The following MTMR7 variants were observed in gnomAD, a reference collection of about 807,000 sequenced individuals.
MTMR7 encodes myotubularin related protein 7.
A neutral mutation model predicts 81.2 loss-of-function variants in MTMR7; 76 were observed. The ratio of observed to expected loss-of-function variants is 0.94; its 90% CI spans 0.78 to 1.13. MTMR7 has a LOEUF of 1.13. Ranked by LOEUF, MTMR7 falls within the 50% of genes most tolerant of loss-of-function variation. The pLI is 0.00. For synonymous variants in MTMR7, 372 were observed against 289.8 expected (o/e 1.28, Z -2.88); for missense variants, 1,044 against 820.0 (o/e 1.27, Z -3.34).
intron 4 of MTMR7, among the ~76,000 whole-genome samples, chr8:17,351,884 C>T (rs1819740398): frequency 6.6e-6 from 1 of 152,194 alleles, no homozygotes; most frequent in Non-Finnish European, 1.5e-5. Flanking sequence ...AAGTAGACAG[C>T]ACTCTCAAGT....
intron 6 of MTMR7, 82 bp from the exon 7 acceptor site, chr8:17,331,364 C>G: frequency 7.3e-7 from 1 of 1,378,294 alleles, no homozygotes; most frequent in South Asian, 1.5e-5. Flanking sequence ...TCATGGATAC[C>G]CAATCAAAGC....
chr8:17,406,844 T>C (rs1313178454), intron 1 of MTMR7, among the ~76,000 whole-genome samples: 1 of 151,904 alleles, frequency 6.6e-6, no homozygotes, highest in Admixed American at 6.6e-5. Flanking sequence ...AAACATTAAG[T>C]GAAAAGAAGA....
chr8:17,392,142 G>T (rs1402711538), intron 1 of MTMR7, among the ~76,000 whole-genome samples: 1 of 152,092 alleles, frequency 6.6e-6, no homozygotes, highest in Non-Finnish European at 1.5e-5. Context: ...TTCACAGCTT[G>T]TCCTGTTCAG....
At chr8:17,374,430 G>C (rs1300990191) in intron 1 of MTMR7, among the ~76,000 whole-genome samples, 2 of 151,904 alleles carry the variant, frequency 1.3e-5, no homozygotes, top group African/African-American at 4.8e-5. Flanking sequence ...AGACCATCCT[G>C]GCCAACATGG....
intron 1 of MTMR7, among the ~76,000 whole-genome samples, chr8:17,374,166 T>C (rs939588911): frequency 3.9e-5 from 6 of 152,186 alleles, no homozygotes; most frequent in African/African-American, 1.4e-4. Context: ...AACTAACGCA[T>C]TGTATTCGCT....
chr8:17,408,894 T>C (rs1037203386), intron 1 of MTMR7, among the ~76,000 whole-genome samples: 3 of 152,184 alleles, frequency 2.0e-5, no homozygotes, highest in Admixed American at 6.5e-5. Flanking sequence ...AACCAGATGG[T>C]GGTGATGTCT....
chr8:17,348,069 A>AATAGG (rs1254990669), intron 5 of MTMR7, among the ~76,000 whole-genome samples: 2 of 152,178 alleles, frequency 1.3e-5, no homozygotes, highest in Admixed American at 1.3e-4. Flanking sequence ...GCACCCTGGT[A>AATAGG]ATTTTACGCA....
In MTMR7 at chr8:17,300,059, G is replaced by C. The variant is rs747210051; in HGVS notation, c.1786C>G (p.Gln596Glu). The C allele has an allele frequency of 8.7e-6, 14 of 1,614,016 alleles. No homozygotes were observed. The highest frequency in any genetic ancestry group is 1.2e-5 in the Non-Finnish European group (14 of 1,180,020). Residue 596 changes from glutamine (Q) to glutamate (E), a missense_variant, in exon 14 of 14, where the codon CAA becomes GAA. Coordinates refer to ENST00000180173, the MANE Select transcript of MTMR7 (RefSeq NM_004686.5). ...MKSFPSRSPS[Q>E]GDEDSALILT... The stretch of plus-strand genomic sequence containing the variant: ...ATCAGAGCAGAATCTTCATCGCCTT[G>C]TGAAGGGCTCCGGGATGGAAATGAT...
intron 3 of MTMR7, among the ~76,000 whole-genome samples, chr8:17,365,455 T>G (rs1226952498): frequency 6.6e-6 from 1 of 152,210 alleles, no homozygotes; most frequent in African/African-American, 2.4e-5. Flanking sequence ...AGGAAGGTCA[T>G]ATCCCTCACC....
chr8:17,402,961 T>C (rs1488109970), intron 1 of MTMR7, among the ~76,000 whole-genome samples: 1 of 152,222 alleles, frequency 6.6e-6, no homozygotes, highest in Non-Finnish European at 1.5e-5. Flanking sequence ...ATACAGTATC[T>C]CACTGTACTT....
intron 2 of MTMR7, 116 bp from the exon 3 acceptor site, chr8:17,371,315 A>G: frequency 8.5e-7 from 1 of 1,175,248 alleles, no homozygotes. Flanking sequence ...ACCTCCAGCT[A>G]GCTCAACCCT....
At chr8:17,334,776 AACG>A (rs1423172611) in intron 6 of MTMR7, among the ~76,000 whole-genome samples, 2 of 152,226 alleles carry the variant, frequency 1.3e-5, no homozygotes, top group Admixed American at 6.5e-5. Flanking sequence ...AGAGCTGAGC[AACG>A]GGAGAGACAG....
chr8:17,338,640 G>A (rs1450386438), intron 6 of MTMR7: 1 of 152,160 alleles, frequency 6.6e-6, no homozygotes, highest in Non-Finnish European at 1.5e-5. Flanking sequence ...AACACAATGA[G>A]CCAGAGAGAA....
In MTMR7 at chr8:17,413,271, T is replaced by A; in HGVS notation, c.22A>T (p.Lys8Ter). ...CCGCCCGCGCTGGTGTCACCAACCT[T>A]GGGCGTACGGATGTGCTCCATGGCT... MEHIRTP[K>*]VENVRLVDRV... Residue 8 changes from lysine to a stop codon, truncating the protein, a stop_gained and splice_region_variant, in exon 1 of 14, where the codon AAG becomes TAG. Coordinates refer to ENST00000180173, the MANE Select transcript of MTMR7 (RefSeq NM_004686.5). LOFTEE classifies it high-confidence loss of function. 1 of 1,548,254 alleles carries A rather than the reference T, an allele frequency of 6.5e-7. No individual in the cohort carries two copies. The highest frequency in any genetic ancestry group is 8.7e-7 in the Non-Finnish European group (1 of 1,145,132).
chr8:17,317,573 C>T (rs1445373290), intron 7 of MTMR7, among the ~76,000 whole-genome samples: 1 of 152,182 alleles, frequency 6.6e-6, no homozygotes, highest in East Asian at 1.9e-4. Flanking sequence ...GTTGACTTTC[C>T]AGAAAGTGTA....
At chr8:17,311,771 AG>A in intron 8 of MTMR7, 135 bp from the exon 9 acceptor site, 1 of 1,387,850 alleles carries the variant, frequency 7.2e-7, no homozygotes, top group Non-Finnish European at 9.8e-7. Context: ...TCGTCTGTTT[AG>A]GGCCCCCCCT....
At chr8:17,387,660 T>C (rs1820986935) in intron 1 of MTMR7, among the ~76,000 whole-genome samples, 1 of 152,214 alleles carries the variant, frequency 6.6e-6, no homozygotes, top group African/African-American at 2.4e-5. Flanking sequence ...GGGAGGTACT[T>C]GGGGTACTTG....
At chr8:17,372,341 A>G (rs1373607204) in intron 2 of MTMR7, among the ~76,000 whole-genome samples, 1 of 152,102 alleles carries the variant, frequency 6.6e-6, no homozygotes, top group East Asian at 1.9e-4. Context: ...AGTACTTTGG[A>G]AGGCCAAGGT....
intron 1 of MTMR7, among the ~76,000 whole-genome samples, chr8:17,390,089 GA>G (rs2150577179): frequency 6.9e-6 from 1 of 143,922 alleles, no homozygotes; most frequent in East Asian, 2.1e-4. Context: ...AAAAAAAAAA[GA>G]AATCCCTCAT....
Sources: gnomAD v4.1 joint callset for allele counts (sites outside exome capture counted in the v4.1 genomes callset) on GRCh38, gnomAD v4.1.1 for gene constraint, MANE v1.5 for transcripts, NCBI Gene and HGNC (gene_info 2026-07-23, HGNC 2026-07-21) for gene names.